The following RAD54L2 variants were observed in gnomAD, a reference collection of about 807,000 sequenced individuals.
RAD54L2 encodes helicase ARIP4.
A neutral mutation model predicts 138.4 loss-of-function variants in RAD54L2; 27 were observed. That is an observed-to-expected ratio of 0.20 (90% CI 0.14 to 0.27). The LOEUF is 0.27. RAD54L2 is among the 10% of genes least tolerant of loss of function. RAD54L2 has a pLI of 1.00. For synonymous variants in RAD54L2, 644 were observed against 723.2 expected (o/e 0.89, Z 1.76); for missense variants, 1,396 against 1,890.2 (o/e 0.74, Z 4.85).
chr3:51,659,588 A>G (rs1701704762), intron 21 of RAD54L2, among the ~76,000 whole-genome samples: 1 of 152,252 alleles, frequency 6.6e-6, no homozygotes, highest in South Asian at 2.1e-4. Flanking sequence ...ATATTGAAGC[A>G]GTAAGGCTCC....
chr3:51,654,643 C>T (rs1379748977), intron 19 of RAD54L2, among the ~76,000 whole-genome samples: 1 of 152,020 alleles, frequency 6.6e-6, no homozygotes, highest in African/African-American at 2.4e-5. Context: ...TTTTTTTTCC[C>T]CCTCTTTTTT....
At chr3:51,606,051 G>A (rs139595161) in intron 3 of RAD54L2, among the ~76,000 whole-genome samples, 114 of 152,342 alleles carry the variant, frequency 7.5e-4, no homozygotes, top group African/African-American at 2.6e-3. Context: ...ACCTGTGAGA[G>A]CACTGCGATT....
At position 51,549,968 on chromosome 3, in the gene RAD54L2, C is replaced by T. The variant is rs187078879; in HGVS notation, c.-55+8318C>T. On this transcript the variant is annotated intron_variant, in intron 2 of 22. Coordinates refer to ENST00000684192, the MANE Select transcript of RAD54L2 (RefSeq NM_015106.4). ...TGGTCCACAATTCCAGTATTCCTTCCCCAGGTATTAGAACCCTTTGCTTCC... is the reference window on the plus strand; with the variant it reads ...TGGTCCACAATTCCAGTATTCCTTCTCCAGGTATTAGAACCCTTTGCTTCC... 2.6e-5 allele frequency among the ~76,000 whole-genome samples: 4 copies of T among 152,200 alleles called. No individual in the cohort carries two copies. The East Asian group carries it at 5.8e-4, about 22-fold the overall frequency.
At chr3:51,555,639 CAG>C (rs1460060218) in intron 2 of RAD54L2, among the ~76,000 whole-genome samples, 2 of 152,112 alleles carry the variant, frequency 1.3e-5, no homozygotes, top group Admixed American at 1.3e-4. Flanking sequence ...GCCTGGGTGA[CAG>C]AGTGAGACCA....
At chr3:51,593,637 A>G (rs1052878161) in intron 3 of RAD54L2, among the ~76,000 whole-genome samples, 10 of 152,194 alleles carry the variant, frequency 6.6e-5, no homozygotes, top group Admixed American at 1.3e-4. Context: ...CGGCCACTTC[A>G]GCCCTTTTTA....
chr3:51,621,079 T>C (rs143109030), intron 3 of RAD54L2, among the ~76,000 whole-genome samples: 6 of 152,274 alleles, frequency 3.9e-5, no homozygotes, highest in South Asian at 2.1e-4. Context: ...ATAGAATTTT[T>C]GAAATAACAG....
intron 2 of RAD54L2, among the ~76,000 whole-genome samples, chr3:51,553,797 G>A (rs1160890796): frequency 6.6e-6 from 1 of 152,100 alleles, no homozygotes; most frequent in African/African-American, 2.4e-5. Context: ...GCACCACTGC[G>A]CTCTGGCCTG....
chr3:51,660,629 T>G (rs1447545802), intron 22 of RAD54L2, among the ~76,000 whole-genome samples: 2 of 132,904 alleles, frequency 1.5e-5, no homozygotes, highest in Non-Finnish European at 3.2e-5. Context: ...TTGTTTTTTT[T>G]GTTTTTTTTT....
intron 2 of RAD54L2, among the ~76,000 whole-genome samples, chr3:51,553,018 T>C (rs570973003): frequency 1.6e-4 from 24 of 152,316 alleles, no homozygotes; most frequent in Middle Eastern, 3.4e-3. Flanking sequence ...TTAATTAATT[T>C]ATTTTGTTGA....
At chr3:51,551,982 C>T (rs9838994) in intron 2 of RAD54L2, among the ~76,000 whole-genome samples, 5,811 of 151,860 alleles carry the variant, frequency 0.038, 392 homozygotes, top group African/African-American at 0.13. Context: ...AATCTCTTGA[C>T]CTCGTGATCT....
intron 2 of RAD54L2, among the ~76,000 whole-genome samples, chr3:51,570,275 C>T (rs989775306): frequency 1.3e-5 from 2 of 149,526 alleles, no homozygotes; most frequent in African/African-American, 4.9e-5. Flanking sequence ...TCCTGAGTAC[C>T]TGGGATTACA....
rs1451107773 is a variant in RAD54L2, at chr3:51,590,399, C to T, written c.-22C>T. ...GCAGTGGACCATGAGTCGGTAATGC[C>T]CACTGAGGACCTCTGGGAGCCATGT... On this transcript the variant is annotated 5_prime_UTR_variant, in exon 3 of 23. Coordinates refer to ENST00000684192, the MANE Select transcript of RAD54L2 (RefSeq NM_015106.4). 2.6e-6 allele frequency: 4 copies of T among 1,510,170 alleles called. No homozygotes were observed. The South Asian group carries it at 3.9e-5, about 15-fold the overall frequency. The allele number at this position is 1,510,170 out of a possible 1,614,324, so 93.5% of individuals were successfully genotyped here.
In RAD54L2 at chr3:51,662,185, T is replaced by A. The variant is rs966920688; in HGVS notation, c.3410-241T>A. Among the ~76,000 whole-genome samples the A allele has an allele frequency of 6.6e-6, 1 of 152,150 alleles. No homozygotes were observed. Among genetic ancestry groups the A allele is most frequent in the South Asian group, 2.1e-4 (1 of 4,830 alleles). ...TCTCGTAGGATTCATTTTGGTATAGTTTTACAGTTTGGGGAACTGGGGTGC... is the reference window on the plus strand; with the variant it reads ...TCTCGTAGGATTCATTTTGGTATAGATTTACAGTTTGGGGAACTGGGGTGC... On this transcript the variant is annotated intron_variant, in intron 22 of 22. Transcript: ENST00000684192. This position sits in a 1 kb window ranked among gnomAD's most constrained non-coding sequence, Gnocchi z 4.6.
intron 3 of RAD54L2, among the ~76,000 whole-genome samples, chr3:51,607,855 A>G (rs941620586): frequency 7.7e-6 from 1 of 129,412 alleles, no homozygotes; most frequent in Non-Finnish European, 1.6e-5. Context: ...GGCGCCCCCC[A>G]CCTCCCAGAT....
chr3:51,595,536 G>T (rs1170002789), intron 3 of RAD54L2, among the ~76,000 whole-genome samples: 2 of 152,158 alleles, frequency 1.3e-5, no homozygotes, highest in Non-Finnish European at 2.9e-5. Context: ...TCAGGCCATT[G>T]TTTCCTCCTT....
chr3:51,541,656 G>C lies in RAD54L2; in HGVS notation c.-55+6G>C, dbSNP rs1225077041. 7.2e-5 allele frequency: 11 copies of C among 152,240 alleles called. No homozygotes were observed. Among genetic ancestry groups the C allele is most frequent in the African/African-American group, 2.6e-4 (11 of 41,560 alleles). 9.4% of individuals were successfully genotyped at this position (152,240 alleles called of 1,614,324 possible). On this transcript the variant is annotated splice_donor_region_variant and intron_variant, in intron 2 of 22. Coordinates refer to ENST00000684192, the MANE Select transcript of RAD54L2 (RefSeq NM_015106.4). ...ACAGGAGGAGTAAGATTGAGGTAAGGCTCAGTCTGTTTGAAAGTCATTTGC... is the reference window on the plus strand; with the variant it reads ...ACAGGAGGAGTAAGATTGAGGTAAGCCTCAGTCTGTTTGAAAGTCATTTGC...
chr3:51,651,918 T>G (rs1701448684), intron 19 of RAD54L2, among the ~76,000 whole-genome samples: 1 of 152,176 alleles, frequency 6.6e-6, no homozygotes, highest in Non-Finnish European at 1.5e-5. Flanking sequence ...TTCAACATAG[T>G]GTTGGAAGTT....
At chr3:51,561,277 G>C (rs1267106659) in intron 2 of RAD54L2, among the ~76,000 whole-genome samples, 1 of 152,160 alleles carries the variant, frequency 6.6e-6, no homozygotes, top group Non-Finnish European at 1.5e-5. Flanking sequence ...AGACAGAGTT[G>C]CTCTGTTACC....
At chr3:51,577,136 T>A (rs559188779) in intron 2 of RAD54L2, among the ~76,000 whole-genome samples, 1 of 152,340 alleles carries the variant, frequency 6.6e-6, no homozygotes, top group African/African-American at 2.4e-5. Flanking sequence ...TTGTTCCGTT[T>A]CCATGTAGTT....
Sources: gnomAD v4.1 joint callset for allele counts (sites outside exome capture counted in the v4.1 genomes callset) on GRCh38, gnomAD v4.1.1 for gene constraint, Gnocchi (gnomAD v3.1) non-coding constraint, MANE v1.5 for transcripts, NCBI Gene and HGNC (gene_info 2026-07-23, HGNC 2026-07-21) for gene names.